DBR1: variants seen among roughly 807,000 people sequenced by gnomAD.
The protein encoded by DBR1 is debranching RNA lariats 1.
DBR1 carries 33 observed loss-of-function variants against 45.9 expected under a neutral mutation model. The observed-to-expected ratio is 0.72, with a 90% CI of 0.55 to 0.96. The LOEUF is 0.96. DBR1 is among the 40% of genes least tolerant of loss of function. The pLI is 0.00. For missense variants in DBR1, 619 were observed against 667.4 expected (o/e 0.93, Z 0.80); for synonymous variants, 235 against 235.9 (o/e 1.00, Z 0.04).
At position 138,167,255 on chromosome 3, in the gene DBR1, T is replaced by C. The variant is rs1343988289; in HGVS notation, c.540A>G (p.Ile180Met). The C allele has an allele frequency of 1.9e-6, 3 of 1,613,092 alleles. No homozygotes were observed. Among genetic ancestry groups the C allele is most frequent in the South Asian group, 1.1e-5 (1 of 90,822 alleles). ...IFLSHDWPRS[I>M]YHYGNKKQLL... ...GTTGCTTCTTATTTCCATAATGATA[T>C]ATACTTCTTGGCCAATCATGAGACA... Residue 180 changes from isoleucine to methionine, a missense_variant, in exon 5 of 8, where the codon ATA becomes ATG. Ile to Met is a conservative substitution (Grantham distance 10). Transcript: ENST00000260803.
At chr3:138,171,855 CATA>C (rs2042957092) in intron 2 of DBR1, 142 bp from the exon 3 acceptor site, 6 of 651,678 alleles carry the variant, frequency 9.2e-6, no homozygotes, top group East Asian at 8.2e-5. Flanking sequence ...ATGCTTTTTA[CATA>C]ATAATATGCC....
In DBR1 at chr3:138,170,250, A is replaced by G; in HGVS notation, c.404-58T>C. On this transcript the variant is annotated intron_variant, in intron 3 of 7. Coordinates refer to ENST00000260803, the MANE Select transcript of DBR1 (RefSeq NM_016216.4). Reference sequence around the variant, plus strand: ...AATTTCCTTAAATACTGCAAATACAAAGACATATACACAGGTCTCCAAAAT... The same window carrying G: ...AATTTCCTTAAATACTGCAAATACAGAGACATATACACAGGTCTCCAAAAT... 4 of 1,080,248 alleles carry G rather than the reference A, an allele frequency of 3.7e-6. No individual in the cohort carries two copies. In the South Asian group the frequency reaches 4.0e-5, roughly 11 times the overall value. 66.9% of individuals were successfully genotyped at this position (1,080,248 alleles called of 1,614,324 possible).
rs1389449237 is a variant in DBR1, at chr3:138,163,441, A to T, written c.849T>A (p.Ile283=). The T allele has an allele frequency of 2.5e-6, 4 of 1,612,464 alleles. No homozygotes were observed. Among genetic ancestry groups the T allele is most frequent in the Non-Finnish European group, 3.4e-6 (4 of 1,178,646 alleles). ...TAGCCCTGAGAATAGTGAGCCATTC[A>T]ATATCATATTCCAAGTAATCAGGAG... ...PSAPDYLEYD[I]EWLTILRATD... Residue 283 remains isoleucine (I), a synonymous_variant, in exon 7 of 8, where the codon ATT becomes ATA. Transcript: ENST00000260803.
At chr3:138,174,469 T>A in intron 1 of DBR1, 130 bp downstream of exon 1, 2 of 950,316 alleles carry the variant, frequency 2.1e-6, no homozygotes, top group Non-Finnish European at 3.1e-6. Flanking sequence ...CTCACCCCTG[T>A]ATTCAGTTAG....
Position 138,173,650 on chromosome 3 carries a change from T to C in DBR1, c.198-24A>G, listed in dbSNP as rs1347923766. The C allele has an allele frequency of 2.5e-6, 4 of 1,600,514 alleles. No homozygotes were observed. The South Asian group carries it at 4.5e-5, about 18-fold the overall frequency. ...ACCTAGAACATAAGAGCAAAGTCAG[T>C]TACCACAATTAGGCATAGCAGAAAA... On this transcript the variant is annotated intron_variant, in intron 1 of 7. Coordinates refer to ENST00000260803, the MANE Select transcript of DBR1 (RefSeq NM_016216.4).
At position 138,163,393 on chromosome 3, in the gene DBR1, A is replaced by G; in HGVS notation, c.897T>C (p.Thr299=). ...LRATDDLINV[T]GRLWNMPENN... is the part of the protein sequence containing the mutation. ...TTTCTGGCATATTCCACAGGCGCCC[A>G]GTCACATTAATAAGATCATCCGTAG... Residue 299 remains threonine, a synonymous_variant, in exon 7 of 8, where the codon ACT becomes ACC. Transcript: ENST00000260803. 6.2e-7 allele frequency: 1 copy of G among 1,614,036 alleles called. No individual in the cohort carries two copies. The highest frequency in any genetic ancestry group is 8.5e-7 in the Non-Finnish European group (1 of 1,179,908).
intron 4 of DBR1, 70 bp from the exon 5 acceptor site, chr3:138,167,375 C>T (rs890387453): frequency 3.8e-5 from 38 of 1,003,696 alleles, no homozygotes; most frequent in Non-Finnish European, 5.3e-5. Flanking sequence ...CCCCTCCCTT[C>T]TCTCTACCAC....
intron 7 of DBR1, among the ~76,000 whole-genome samples, 162 bp from the exon 8 acceptor site, chr3:138,162,744 A>C (rs537872231): frequency 1.8e-3 from 281 of 152,332 alleles, no homozygotes; most frequent in African/African-American, 6.4e-3. Context: ...ATTTAGAAAA[A>C]AAAATAATTC....
In DBR1 at chr3:138,163,454, A is replaced by C; in HGVS notation, c.836T>G (p.Leu279Trp). ...AGTGAGCCATTCAATATCATATTCC[A>C]AGTAATCAGGAGCACTGGGGTCATG... ...IEHDPSAPDY[L>W]EYDIEWLTIL... Residue 279 changes from leucine (L) to tryptophan (W), a missense_variant, in exon 7 of 8, where the codon TTG becomes TGG. Physicochemically the swap from Leu to Trp is moderately conservative, Grantham distance 61. This residue lies in a region of DBR1 where 430 missense variants were observed against 447.7 expected (regional missense o/e 0.96). Coordinates refer to ENST00000260803, the MANE Select transcript of DBR1 (RefSeq NM_016216.4). 6.2e-7 allele frequency: 1 copy of C among 1,611,372 alleles called. No homozygotes were observed. The highest frequency in any genetic ancestry group is 8.5e-7 in the Non-Finnish European group (1 of 1,177,628).
chr3:138,168,235 C>G (rs113878604), intron 4 of DBR1, among the ~76,000 whole-genome samples: 1 of 151,882 alleles, frequency 6.6e-6, no homozygotes, highest in African/African-American at 2.4e-5. Flanking sequence ...ACTTAAATAC[C>G]GGCTGGGCAC....
chr3:138,162,739 GA>G (rs1049165787), intron 7 of DBR1, among the ~76,000 whole-genome samples, 157 bp from the exon 8 acceptor site: 20 of 150,598 alleles, frequency 1.3e-4, no homozygotes, highest in Non-Finnish European at 2.7e-4. Flanking sequence ...GGACCATTTA[GA>G]AAAAAAAATA....
Position 138,161,218 on chromosome 3 carries a change from A to C in DBR1, c.*671T>G, listed in dbSNP as rs2042905647. ...ATACATCAAAATGTTTACAGTGATAACAAGTCCTTGGAGGCAAAAATCCTT... is the reference window on the plus strand; with the variant it reads ...ATACATCAAAATGTTTACAGTGATACCAAGTCCTTGGAGGCAAAAATCCTT... On this transcript the variant is annotated 3_prime_UTR_variant, in exon 8 of 8. Transcript: ENST00000260803. The C allele has an allele frequency of 6.6e-6, 1 of 152,266 alleles. No individual in the cohort carries two copies. Among genetic ancestry groups the C allele is most frequent in the Admixed American group, 6.5e-5 (1 of 15,270 alleles). The allele number at this position is 152,266 out of a possible 1,614,324, so 9.4% of individuals were successfully genotyped here.
chr3:138,174,228 A>G (rs1416445789), intron 1 of DBR1, among the ~76,000 whole-genome samples: 3 of 152,102 alleles, frequency 2.0e-5, no homozygotes, highest in Non-Finnish European at 4.4e-5. Context: ...TGAATGAACT[A>G]ATTCCAGAGT....
rs376250538 is a variant in DBR1, at chr3:138,168,850, C to T, written c.489+1257G>A. Among the ~76,000 whole-genome samples the T allele has an allele frequency of 8.6e-5, 13 of 151,984 alleles. No homozygotes were observed. The East Asian group carries it at 1.2e-3, about 14-fold the overall frequency. Reference sequence around the variant, plus strand: ...ATGCATGCCTATAGTCCAAGCTATTCGGGAGGCTGAAGTGGGAGGATCACC... The same window carrying T: ...ATGCATGCCTATAGTCCAAGCTATTTGGGAGGCTGAAGTGGGAGGATCACC... On this transcript the variant is annotated intron_variant, in intron 4 of 7. Coordinates refer to ENST00000260803, the MANE Select transcript of DBR1 (RefSeq NM_016216.4).
In DBR1 at chr3:138,163,418, G is replaced by T. The variant is rs1325325219; in HGVS notation, c.872C>A (p.Ala291Asp). The part of the protein sequence containing the change: ...YDIEWLTILR[A>D]TDDLINVTGR... ...AGTCACATTAATAAGATCATCCGTA[G>T]CCCTGAGAATAGTGAGCCATTCAAT... The change falls in exon 7 of 8, where the codon GCT (alanine) becomes GAT (aspartate). Residue 291 changes from alanine to aspartate, a missense_variant. Transcript: ENST00000260803. 6.2e-7 allele frequency: 1 copy of T among 1,613,722 alleles called. No homozygotes were observed. The highest frequency in any genetic ancestry group is 2.2e-5 in the East Asian group (1 of 44,876).
At position 138,161,872 on chromosome 3, in the gene DBR1, A is replaced by C. The variant is rs1467337901; in HGVS notation, c.*17T>G. 3 of 1,594,560 alleles carry C rather than the reference A, an allele frequency of 1.9e-6. No individual in the cohort carries two copies. Among genetic ancestry groups the C allele is most frequent in the Non-Finnish European group, 2.6e-6 (3 of 1,163,902 alleles). On this transcript the variant is annotated 3_prime_UTR_variant, in exon 8 of 8. Coordinates refer to ENST00000260803, the MANE Select transcript of DBR1 (RefSeq NM_016216.4). ...AAAAAAACAAAACAAACACAAAAAC[A>C]AAACAAGTAAATCATCTTAAGCTGC... is the stretch of plus-strand genomic sequence containing the variant.
chr3:138,171,475 C>CAAAAAAAAAAAAAAAAAAA (rs906867666), intron 3 of DBR1, 158 bp downstream of exon 3: 3 of 69,590 alleles, frequency 4.3e-5, no homozygotes, highest in African/African-American at 1.7e-4. Context: ...AACTCTGTCT[C>CAAAAAAAAAAAAAAAAAAA]AAAAAAAAAA....
At chr3:138,171,890 T>C (rs2042957301) in intron 2 of DBR1, among the ~76,000 whole-genome samples, 177 bp from the exon 3 acceptor site, 1 of 152,178 alleles carries the variant, frequency 6.6e-6, no homozygotes. Context: ...AGGGATATAT[T>C]ATAACAGTAT....
chr3:138,169,982 A>T (rs1288860407), intron 4 of DBR1, 125 bp downstream of exon 4: 7 of 675,170 alleles, frequency 1.0e-5, no homozygotes, highest in Non-Finnish European at 1.8e-5. Flanking sequence ...AAAACTCAAG[A>T]TCCACATTTT....
Sources: gnomAD v4.1 joint callset for allele counts (sites outside exome capture counted in the v4.1 genomes callset) on GRCh38, gnomAD v4.1.1 for gene constraint, gnomAD v4.1.1 regional missense constraint, MANE v1.5 for transcripts, NCBI Gene and HGNC (gene_info 2026-07-23, HGNC 2026-07-21) for gene names.